Variants in KIF27 observed in about 807,000 individuals in gnomAD.
KIF27 encodes the protein kinesin family member 27.
Under a neutral mutation model 141.8 loss-of-function variants are expected in KIF27, and 84 were observed. The ratio of observed to expected loss-of-function variants is 0.59; its 90% CI spans 0.50 to 0.71. The LOEUF is 0.71. Ranked by LOEUF, KIF27 falls within the 30% of genes least tolerant of loss-of-function variation. The probability of loss-of-function intolerance (pLI) is 0.00; values close to 1 mark genes in which losing one functional copy is unlikely to be tolerated. For missense variants in KIF27, 1,306 were observed against 1,628.4 expected (o/e 0.80, Z 3.41); for synonymous variants, 471 against 569.5 (o/e 0.83, Z 2.46).
chr9:83,904,143 GATAATA>G, intron 3 of KIF27, 125 bp from the exon 4 acceptor site: 2 of 624,190 alleles, frequency 3.2e-6, no homozygotes, highest in South Asian at 2.6e-5. Context: ...CAGCATTTCA[GATAATA>G]ATAATAACAT....
At chr9:83,910,152 G>A (rs138616151) in intron 2 of KIF27, among the ~76,000 whole-genome samples, 2,678 of 151,290 alleles carry the variant, frequency 0.018, 96 homozygotes, top group African/African-American at 0.062. Flanking sequence ...CAGAGAGGTG[G>A]CCCTTGGCTC....
chr9:83,920,316 T>A (rs1248671543), intron 1 of KIF27, among the ~76,000 whole-genome samples: 1 of 152,200 alleles, frequency 6.6e-6, no homozygotes, highest in Non-Finnish European at 1.5e-5. Flanking sequence ...TCCATAGCAC[T>A]TATACTTCAG....
intron 2 of KIF27, among the ~76,000 whole-genome samples, chr9:83,909,233 AGT>A (rs1954891971): frequency 6.6e-6 from 1 of 152,220 alleles, no homozygotes; most frequent in Non-Finnish European, 1.5e-5. Context: ...GGGGACTAGA[AGT>A]GTAACTACCA....
intron 11 of KIF27, among the ~76,000 whole-genome samples, chr9:83,877,605 T>G (rs1389581890): frequency 6.6e-6 from 1 of 152,162 alleles, no homozygotes; most frequent in Non-Finnish European, 1.5e-5. Flanking sequence ...AGGCAATGGA[T>G]TCTTAGACAT....
chr9:83,844,015 T>G (rs1310874733), intron 16 of KIF27, among the ~76,000 whole-genome samples: 1 of 152,040 alleles, frequency 6.6e-6, no homozygotes, highest in Non-Finnish European at 1.5e-5. Flanking sequence ...CCAAAGGAGG[T>G]TAACATTTGA....
rs201326603 is a variant in KIF27 at position 83,848,137 on chromosome 9, A to ATC, written c.3556+1961_3556+1962insGA. Among the ~76,000 whole-genome samples the ATC allele has an allele frequency of 9.7e-3, 403 of 41,392 alleles. 157 individuals are homozygous for ATC. Among genetic ancestry groups the ATC allele is most frequent in the African/African-American group, 0.062 (193 of 3,104 alleles). 27.2% of individuals were successfully genotyped at this position (41,392 alleles called of 152,430 possible). Reference sequence around the variant, plus strand: ...ATCTGATATATCTGATATCTCATATATGATATATCTGATATATCATATATG... The same window carrying ATC: ...ATCTGATATATCTGATATCTCATATATCTGATATATCTGATATATCATATATG... On this transcript the variant is annotated intron_variant, in intron 16 of 17. Transcript: ENST00000297814.
chr9:83,850,911 C>T (rs1401063746), intron 15 of KIF27, among the ~76,000 whole-genome samples: 3 of 123,170 alleles, frequency 2.4e-5, no homozygotes, highest in East Asian at 5.7e-4. Flanking sequence ...AATCTCGGCT[C>T]ACTGCAAGCT....
Position 83,834,403 on chromosome 9 carries a change from C to T in KIF27, c.*2598G>A, listed in dbSNP as rs1945573767. The stretch of plus-strand genomic sequence containing the variant: ...TTTATATGTGTGTTTGCATATGTGG[C>T]ATGAAATGTCATATATATAAAGGAT... On this transcript the variant is annotated 3_prime_UTR_variant, in exon 18 of 18. Transcript: ENST00000297814. Among the ~76,000 whole-genome samples, 2 of 151,888 alleles carry T rather than the reference C, an allele frequency of 1.3e-5. No individual in the cohort carries two copies. The highest frequency in any genetic ancestry group is 2.4e-5 in the African/African-American group (1 of 41,376).
chr9:83,845,935 G>A (rs1237584773), intron 16 of KIF27, among the ~76,000 whole-genome samples: 1 of 152,136 alleles, frequency 6.6e-6, no homozygotes, highest in Non-Finnish European at 1.5e-5. Flanking sequence ...CAGCAGAGGA[G>A]GATTTTAATA....
chr9:83,887,844 T>C (rs958521204), intron 8 of KIF27, among the ~76,000 whole-genome samples: 1 of 152,072 alleles, frequency 6.6e-6, no homozygotes, highest in African/African-American at 2.4e-5. Context: ...ATTTTAGTTA[T>C]ACTTAAATTT....
At chr9:83,871,797 T>C (rs938122028) in intron 11 of KIF27, among the ~76,000 whole-genome samples, 7 of 151,838 alleles carry the variant, frequency 4.6e-5, no homozygotes, top group African/African-American at 1.7e-4. Flanking sequence ...CAAGTAATTC[T>C]CATGCCTCAG....
At chr9:83,840,890 G>T (rs975487821) in intron 17 of KIF27, among the ~76,000 whole-genome samples, 7 of 152,244 alleles carry the variant, frequency 4.6e-5, no homozygotes, top group South Asian at 4.1e-4. Context: ...GCAGTCAGAA[G>T]ATGAGGGACA....
At chr9:83,906,403 T>C (rs1374270924) in intron 3 of KIF27, among the ~76,000 whole-genome samples, 1 of 152,160 alleles carries the variant, frequency 6.6e-6, no homozygotes, top group East Asian at 1.9e-4. Flanking sequence ...TCTGGCAGGT[T>C]CTCCAGGAAG....
At chr9:83,919,970 A>T (rs1188993262) in intron 1 of KIF27, among the ~76,000 whole-genome samples, 1 of 151,632 alleles carries the variant, frequency 6.6e-6, no homozygotes, top group African/African-American at 2.4e-5. Context: ...AGTGGTTCAC[A>T]CCTGTAATCC....
At chr9:83,869,820 A>C (rs1274608270) in intron 12 of KIF27, among the ~76,000 whole-genome samples, 1 of 152,250 alleles carries the variant, frequency 6.6e-6, no homozygotes, top group African/African-American at 2.4e-5. Context: ...CATTCAAATC[A>C]ACTCATTTCT....
chr9:83,867,654 C>T (rs200339689), intron 13 of KIF27, 30 bp downstream of exon 13: 3 of 1,556,816 alleles, frequency 1.9e-6, no homozygotes, highest in East Asian at 4.6e-5. Flanking sequence ...GGTTTACAAC[C>T]AGAATCAAGT....
intron 5 of KIF27, among the ~76,000 whole-genome samples, chr9:83,894,453 C>T (rs1230683388): frequency 2.6e-5 from 4 of 152,200 alleles, no homozygotes; most frequent in African/African-American, 9.6e-5. Flanking sequence ...GGGAGTGTTT[C>T]TTAAACACTC....
chr9:83,914,239 AG>A (rs1436014552), intron 2 of KIF27, among the ~76,000 whole-genome samples: 1 of 151,548 alleles, frequency 6.6e-6, no homozygotes, highest in East Asian at 1.9e-4. Context: ...ACAATCCTAA[AG>A]AAAAGCCACA....
At chr9:83,848,304 T>G (rs1293944444) in intron 16 of KIF27, among the ~76,000 whole-genome samples, 1 of 115,378 alleles carries the variant, frequency 8.7e-6, no homozygotes, top group Non-Finnish European at 1.7e-5. Context: ...AGATATGATA[T>G]ATATGATATA....
Sources: gnomAD v4.1 joint callset for allele counts (sites outside exome capture counted in the v4.1 genomes callset) on GRCh38, gnomAD v4.1.1 for gene constraint, MANE v1.5 for transcripts, NCBI Gene and HGNC (gene_info 2026-07-23, HGNC 2026-07-21) for gene names.